Variants in RBMS3 observed in about 807,000 individuals in gnomAD.
RBMS3 encodes the protein RNA-binding motif, single-stranded-interacting protein 3.
A neutral mutation model predicts 66.8 loss-of-function variants in RBMS3; 27 were observed. The observed-to-expected ratio is 0.40, with a 90% CI of 0.30 to 0.56. RBMS3 has a LOEUF of 0.56. RBMS3 is among the 20% of genes least tolerant of loss of function. The pLI, the probability that RBMS3 is intolerant of heterozygous loss-of-function variation, is 0.40. For synonymous variants in RBMS3, 188 were observed against 183.0 expected (o/e 1.03, Z -0.22); for missense variants, 513 against 549.5 (o/e 0.93, Z 0.66).
intron 3 of RBMS3, among the ~76,000 whole-genome samples, chr3:29,518,266 T>C (rs2044719022): frequency 6.6e-6 from 1 of 152,234 alleles, no homozygotes; most frequent in African/African-American, 2.4e-5. Context: ...CCACCCTCCT[T>C]CTGTGGGCCT....
chr3:29,716,546 T>C (rs1244160933), intron 4 of RBMS3, among the ~76,000 whole-genome samples: 1 of 152,214 alleles, frequency 6.6e-6, no homozygotes, highest in Non-Finnish European at 1.5e-5. Flanking sequence ...TTCTTTTCTG[T>C]GCAAGAGTGT....
At chr3:29,526,747 A>G (rs554388604) in intron 3 of RBMS3, among the ~76,000 whole-genome samples, 2 of 152,008 alleles carry the variant, frequency 1.3e-5, no homozygotes, top group East Asian at 3.9e-4. Flanking sequence ...CTTTAGAGCA[A>G]ATGGAATAAG....
At chr3:29,994,044 CAGACTGGGCGCA>C (rs1212461447) in intron 14 of RBMS3, among the ~76,000 whole-genome samples, 2 of 136,634 alleles carry the variant, frequency 1.5e-5, no homozygotes, top group African/African-American at 5.9e-5. Context: ...TAGGGAGTGC[CAGACTGGGCGCA>C]GGTCAGTGGG....
At chr3:29,543,809 C>T (rs2045852359) in intron 3 of RBMS3, among the ~76,000 whole-genome samples, 1 of 152,100 alleles carries the variant, frequency 6.6e-6, no homozygotes, top group Non-Finnish European at 1.5e-5. Context: ...GTAACCTGAT[C>T]CTGAAGGAAC....
intron 1 of RBMS3, among the ~76,000 whole-genome samples, chr3:29,430,651 CAT>C (rs1208464875): frequency 6.6e-6 from 1 of 152,174 alleles, no homozygotes; most frequent in East Asian, 1.9e-4. Flanking sequence ...TAAGTAAACA[CAT>C]ATTGATCATC....
chr3:29,389,752 G>A lies in RBMS3; in HGVS notation c.76-44991G>A, dbSNP rs1012773279. ...TAGCAATAATCCCCAGACTGCTTGAGTAGTGGCAGTCTTTATTCTTGTTCA... is the reference window on the plus strand; with the variant it reads ...TAGCAATAATCCCCAGACTGCTTGAATAGTGGCAGTCTTTATTCTTGTTCA... On this transcript the variant is annotated intron_variant, in intron 1 of 14. Transcript: ENST00000383767. 7.9e-5 allele frequency among the ~76,000 whole-genome samples: 12 copies of A among 152,316 alleles called. No individual in the cohort carries two copies. In the South Asian group the frequency reaches 8.3e-4, roughly 11 times the overall value.
intron 6 of RBMS3, among the ~76,000 whole-genome samples, chr3:29,854,013 G>C (rs2059010396): frequency 6.6e-6 from 1 of 152,136 alleles, no homozygotes; most frequent in Admixed American, 6.5e-5. Context: ...AGACCATACT[G>C]TTTTGTTTGT....
Position 29,676,564 on chromosome 3 carries a change from T to C in RBMS3, c.400-63156T>C, listed in dbSNP as rs183399406. Reference sequence around the variant, plus strand: ...TTTACATTTTATTAAACAACCATCATAACCAAAATTGTTCACTTTAGTTCT... The same window carrying C: ...TTTACATTTTATTAAACAACCATCACAACCAAAATTGTTCACTTTAGTTCT... On this transcript the variant is annotated intron_variant, in intron 4 of 14. Transcript: ENST00000383767. Among the ~76,000 whole-genome samples the C allele has an allele frequency of 3.7e-4, 57 of 152,332 alleles. 1 individual carries two copies. The East Asian group carries it at 8.9e-3, about 24-fold the overall frequency.
At chr3:29,420,935 T>G (rs909373787) in intron 1 of RBMS3, among the ~76,000 whole-genome samples, 1 of 134,644 alleles carries the variant, frequency 7.4e-6, no homozygotes, top group Non-Finnish European at 1.6e-5. Context: ...AAACCCCGTC[T>G]CTACTAAAAA....
chr3:29,791,246 T>C (rs892480764), intron 6 of RBMS3, among the ~76,000 whole-genome samples: 1 of 152,192 alleles, frequency 6.6e-6, no homozygotes, highest in African/African-American at 2.4e-5. Flanking sequence ...TGCATTTCCA[T>C]TTCCTGCATT....
chr3:29,571,686 A>G (rs2046959132), intron 3 of RBMS3, among the ~76,000 whole-genome samples: 1 of 152,124 alleles, frequency 6.6e-6, no homozygotes, highest in Non-Finnish European at 1.5e-5. Flanking sequence ...GCTCTGTAGT[A>G]TAATTTGAAG....
intron 1 of RBMS3, among the ~76,000 whole-genome samples, chr3:29,353,290 C>T (rs9809612): frequency 0.38 from 58,072 of 151,510 alleles, 11,345 homozygotes; most frequent in East Asian, 0.45. Context: ...ATTCTTATTT[C>T]CCCATTAAAT....
chr3:29,693,741 C>A (rs902737609), intron 4 of RBMS3, among the ~76,000 whole-genome samples: 1 of 151,702 alleles, frequency 6.6e-6, no homozygotes, highest in Non-Finnish European at 1.5e-5. Context: ...AGGTTGAGAC[C>A]GAAGCTGTAC....
chr3:29,809,619 G>A (rs2057669156), intron 6 of RBMS3, among the ~76,000 whole-genome samples: 1 of 151,718 alleles, frequency 6.6e-6, no homozygotes, highest in Admixed American at 6.6e-5. Flanking sequence ...TTAATAGAAG[G>A]CAAACAGTTT....
intron 14 of RBMS3, among the ~76,000 whole-genome samples, chr3:30,003,242 G>A (rs1448457289): frequency 3.3e-5 from 5 of 151,984 alleles, no homozygotes. Flanking sequence ...AAGCAAAGTG[G>A]CATATAGTAA....
Position 29,530,133 on chromosome 3 carries a change from T to C in RBMS3, c.307+41634T>C, listed in dbSNP as rs184753598. On this transcript the variant is annotated intron_variant, in intron 3 of 14. Transcript: ENST00000383767. ...ACCTCAAAAGCCTTTTTTACCCCAA[T>C]ACTCATCTAAGCTGACCTATGTATA... 1.1e-4 allele frequency among the ~76,000 whole-genome samples: 16 copies of C among 152,302 alleles called. 3 individuals are homozygous for C. The South Asian group carries it at 2.3e-3, about 22-fold the overall frequency.
At chr3:29,556,116 A>G (rs912881628) in intron 3 of RBMS3, among the ~76,000 whole-genome samples, 1 of 114,898 alleles carries the variant, frequency 8.7e-6, no homozygotes, top group Non-Finnish European at 1.9e-5. Flanking sequence ...TCTATCAGCC[A>G]CAATAAAGTT....
chr3:29,572,228 A>G (rs1244782112), intron 3 of RBMS3, among the ~76,000 whole-genome samples: 3 of 151,038 alleles, frequency 2.0e-5, no homozygotes, highest in African/African-American at 7.4e-5. Context: ...AAACGAGGAT[A>G]ATTTGACTTC....
At chr3:29,835,818 A>T (rs996693803) in intron 6 of RBMS3, among the ~76,000 whole-genome samples, 3 of 151,898 alleles carry the variant, frequency 2.0e-5, no homozygotes, top group Admixed American at 2.0e-4. Flanking sequence ...AATAGAAAAG[A>T]TCCACAAAAC....
Sources: gnomAD v4.1 joint callset for allele counts (sites outside exome capture counted in the v4.1 genomes callset) on GRCh38, gnomAD v4.1.1 for gene constraint, MANE v1.5 for transcripts, NCBI Gene and HGNC (gene_info 2026-07-23, HGNC 2026-07-21) for gene names.